MLIP: variants seen among roughly 807,000 people sequenced by gnomAD.
MLIP encodes the protein muscular LMNA interacting protein, also known as muscular LMNA-interacting protein.
In MLIP, 79 loss-of-function variants were observed where a neutral mutation model predicts 84.8. The ratio of observed to expected loss-of-function variants is 0.93; its 90% confidence interval spans 0.78 to 1.12. The LOEUF (loss-of-function observed/expected upper bound fraction) is 1.12, where lower values mean the gene tolerates loss of function less well. Ranked by LOEUF, MLIP falls within the 50% of genes most tolerant of loss-of-function variation. The pLI is 0.00. For missense variants in MLIP, 1,257 were observed against 1,160.6 expected (o/e 1.08, Z -1.21); for synonymous variants, 504 against 463.0 (o/e 1.09, Z -1.14).
chr6:54,211,029 A>T (rs1423238372), intron 11 of MLIP, among the ~76,000 whole-genome samples: 1 of 152,152 alleles, frequency 6.6e-6, no homozygotes, highest in Non-Finnish European at 1.5e-5. Flanking sequence ...ACCTGAGGTC[A>T]GGAGTTCAAG....
At chr6:54,207,409 A>AACCCCC (rs1779105842) in intron 11 of MLIP, among the ~76,000 whole-genome samples, 1 of 98,592 alleles carries the variant, frequency 1.0e-5, no homozygotes, top group Non-Finnish European at 2.1e-5. Context: ...TCACCTCTGC[A>AACCCCC]CCCCCCCCCC....
Position 54,111,474 on chromosome 6 carries a change from G to C in MLIP, c.-6G>C, listed in dbSNP as rs1336154301. ...TGGTTTGCTCGCTCCCTTATGTGATGAATCAATGCTTTCAGAACAGGGGCT... is the reference window on the plus strand; with the variant it reads ...TGGTTTGCTCGCTCCCTTATGTGATCAATCAATGCTTTCAGAACAGGGGCT... On this transcript the variant is annotated 5_prime_UTR_variant, in exon 1 of 14. It removes an upstream start codon present in the reference 5' UTR. Transcript: ENST00000502396. 1 of 1,535,960 alleles carries C rather than the reference G, an allele frequency of 6.5e-7. No individual in the cohort carries two copies. Among genetic ancestry groups the C allele is most frequent in the African/African-American group, 1.4e-5 (1 of 73,134 alleles).
chr6:54,216,921 C>T (rs750321149), intron 11 of MLIP: 1 of 985,322 alleles, frequency 1.0e-6, no homozygotes. Context: ...AGGGGTCGCT[C>T]TTTAAGAAAA....
intron 10 of MLIP, among the ~76,000 whole-genome samples, chr6:54,201,333 C>G (rs1340619957): frequency 2.6e-5 from 4 of 152,058 alleles, no homozygotes; most frequent in African/African-American, 4.8e-5. Flanking sequence ...AAGGAAAGAA[C>G]GTCAGGAAAG....
chr6:54,261,971 C>A (rs1783419619), intron 13 of MLIP, among the ~76,000 whole-genome samples: 2 of 151,908 alleles, frequency 1.3e-5, no homozygotes, highest in African/African-American at 4.8e-5. Context: ...CATTGATAGA[C>A]AAATGGCTAC....
chr6:54,243,336 G>T (rs1013484501), intron 12 of MLIP, among the ~76,000 whole-genome samples: 1 of 152,090 alleles, frequency 6.6e-6, no homozygotes, highest in African/African-American at 2.4e-5. Context: ...TTGAGAAAAC[G>T]AAAGCAGGCC....
Position 54,160,421 on chromosome 6 carries a change from C to T in MLIP, c.2344C>T (p.Pro782Ser), listed in dbSNP as rs778506082. ...ESVSKDNTLE[P>S]PVELYFPAQL... ...TGTCTCCAAGGACAACACATTAGAA[C>T]CACCAGTGGAGGTAATAACTTCAGA... The change falls in exon 6 of 14, where the codon CCA becomes TCA. Residue 782 changes from proline to serine, a missense_variant. Coordinates refer to ENST00000502396, the MANE Select transcript of MLIP (RefSeq NM_001281747.2). 2 of 1,612,426 alleles carry T rather than the reference C, an allele frequency of 1.2e-6. No homozygotes were observed. The highest frequency in any genetic ancestry group is 1.7e-6 in the Non-Finnish European group (2 of 1,179,134).
chr6:54,208,505 G>A (rs1474795511), intron 11 of MLIP, among the ~76,000 whole-genome samples: 1 of 152,182 alleles, frequency 6.6e-6, no homozygotes, highest in East Asian at 1.9e-4. Flanking sequence ...AGGATAGCTT[G>A]AGCCCAAGAA....
intron 11 of MLIP, 40 bp downstream of exon 11, chr6:54,202,273 A>C: frequency 1.2e-6 from 1 of 841,102 alleles, no homozygotes. Context: ...ATTTTGATAA[A>C]TATAAATATA....
At chr6:54,126,602 A>T (rs1224515300) in intron 3 of MLIP, among the ~76,000 whole-genome samples, 1 of 152,042 alleles carries the variant, frequency 6.6e-6, no homozygotes, top group Non-Finnish European at 1.5e-5. Flanking sequence ...AATCCACTTG[A>T]GTGAACTGTA....
At chr6:54,186,129 G>A (rs1017635211) in intron 9 of MLIP, among the ~76,000 whole-genome samples, 4 of 152,142 alleles carry the variant, frequency 2.6e-5, no homozygotes, top group African/African-American at 7.2e-5. Context: ...ATTGTTTGGT[G>A]ATTCATACTC....
At chr6:54,128,521 T>C (rs1015735260) in intron 3 of MLIP, among the ~76,000 whole-genome samples, 1 of 152,020 alleles carries the variant, frequency 6.6e-6, no homozygotes, top group Non-Finnish European at 1.5e-5. Context: ...GAGTCTATAG[T>C]AGAATATAAA....
intron 11 of MLIP, among the ~76,000 whole-genome samples, chr6:54,226,252 A>G (rs191352394): frequency 1.3e-5 from 2 of 152,226 alleles, no homozygotes; most frequent in Non-Finnish European, 2.9e-5. Flanking sequence ...GCCTCCTGGC[A>G]TAGTGGAGAG....
intron 12 of MLIP, among the ~76,000 whole-genome samples, chr6:54,251,157 AT>A (rs1273326149): frequency 6.6e-6 from 1 of 151,924 alleles, no homozygotes; most frequent in Non-Finnish European, 1.5e-5. Context: ...AGTATAGTTA[AT>A]TTTAGTTGGA....
intron 1 of MLIP, among the ~76,000 whole-genome samples, chr6:54,032,659 T>A (rs1291529127): frequency 6.6e-6 from 1 of 152,220 alleles, no homozygotes; most frequent in Non-Finnish European, 1.5e-5. Context: ...GTTTAAGAGA[T>A]CCTCCTGCCT....
chr6:54,068,087 CTT>C (rs1766304658), intron 1 of MLIP, among the ~76,000 whole-genome samples: 3 of 78,030 alleles, frequency 3.8e-5, no homozygotes, highest in African/African-American at 5.9e-5. Context: ...TTCCTTCCTT[CTT>C]TTTCTCTCTC....
At chr6:54,032,838 C>T in intron 1 of MLIP, among the ~76,000 whole-genome samples, 1 of 151,992 alleles carries the variant, frequency 6.6e-6, no homozygotes, top group Non-Finnish European at 1.5e-5. Context: ...TTTTGGTTTC[C>T]CATGTGTTTA....
At chr6:54,173,852 G>A (rs749869139) in intron 9 of MLIP, among the ~76,000 whole-genome samples, 3 of 150,806 alleles carry the variant, frequency 2.0e-5, no homozygotes, top group Non-Finnish European at 4.4e-5. Flanking sequence ...TTTTGTACTC[G>A]ATAACCATCC....
intron 12 of MLIP, among the ~76,000 whole-genome samples, chr6:54,243,286 G>T (rs1433650120): frequency 2.6e-5 from 4 of 152,080 alleles, no homozygotes; most frequent in Admixed American, 2.0e-4. Context: ...AGCTAGAGGG[G>T]GCAGCAAGCA....
Sources: gnomAD v4.1 joint callset for allele counts (sites outside exome capture counted in the v4.1 genomes callset) on GRCh38, gnomAD v4.1.1 for gene constraint, MANE v1.5 for transcripts, NCBI Gene and HGNC (gene_info 2026-07-23, HGNC 2026-07-21) for gene names.